SEPTIN2: variants seen among roughly 807,000 people sequenced by gnomAD.
SEPTIN2 encodes the protein septin-2.
SEPTIN2 carries 34 observed loss-of-function variants against 46.5 expected under a neutral mutation model. The ratio of observed to expected loss-of-function variants is 0.73; its 90% CI spans 0.56 to 0.97. The LOEUF is 0.97. SEPTIN2 is among the 50% of genes least tolerant of loss of function. The pLI is 0.00. For synonymous variants in SEPTIN2, 175 were observed against 153.4 expected, an observed-to-expected ratio of 1.14 and a Z score of -1.04; for missense variants, 347 against 448.4, an observed-to-expected ratio of 0.77 and a Z score of 2.04.
intron 3 of SEPTIN2, among the ~76,000 whole-genome samples, chr2:241,329,166 C>A (rs1410553793): frequency 2.0e-5 from 3 of 151,868 alleles, no homozygotes; most frequent in African/African-American, 7.3e-5. Flanking sequence ...CGCTCTGTTG[C>A]CCAGGCTGGA....
rs557188476 is a variant in SEPTIN2, at chr2:241,336,230, G to A, written c.341+132G>A. 1.3e-4 allele frequency: 119 copies of A among 949,272 alleles called. 3 individuals carry two copies. In the South Asian group the frequency reaches 2.1e-3, roughly 16 times the overall value. The allele number at this position is 949,272 out of a possible 1,614,324, so 58.8% of individuals were successfully genotyped here. A position where few individuals can be genotyped will look rare whatever the true frequency, so the allele number is the denominator to read the frequency against. On this transcript the variant is annotated intron_variant, in intron 5 of 12. Transcript: ENST00000391971. Reference sequence around the variant, plus strand: ...ATAAAACACCTAGACAATTTAAAGCGTGTTAAATGTTGACTTTTTAAATAA... The same window carrying A: ...ATAAAACACCTAGACAATTTAAAGCATGTTAAATGTTGACTTTTTAAATAA...
At chr2:241,326,948 C>T (rs1166325047) in intron 3 of SEPTIN2, among the ~76,000 whole-genome samples, 1 of 150,046 alleles carries the variant, frequency 6.7e-6, no homozygotes, top group Non-Finnish European at 1.5e-5. Context: ...GTGGCATGTA[C>T]CTGTAGTTCC....
chr2:241,327,864 G>A (rs2078261699), intron 3 of SEPTIN2, among the ~76,000 whole-genome samples: 1 of 151,224 alleles, frequency 6.6e-6, no homozygotes, highest in Non-Finnish European at 1.5e-5. Context: ...CAGTTCAAGA[G>A]CAACATGGTG....
intron 7 of SEPTIN2, among the ~76,000 whole-genome samples, chr2:241,341,050 A>C (rs1393248466): frequency 6.6e-6 from 1 of 152,028 alleles, no homozygotes; most frequent in Non-Finnish European, 1.5e-5. Flanking sequence ...TGGCAATTCT[A>C]CTTCTGAAAC....
At chr2:241,331,779 GA>G (rs1223449481) in intron 3 of SEPTIN2, among the ~76,000 whole-genome samples, 6 of 152,168 alleles carry the variant, frequency 3.9e-5, no homozygotes, top group African/African-American at 1.4e-4. Context: ...AAACAGTTTA[GA>G]AAAAGAGCAG....
intron 7 of SEPTIN2, among the ~76,000 whole-genome samples, chr2:241,342,756 T>TC (rs992673408): frequency 1.3e-5 from 2 of 152,050 alleles, no homozygotes; most frequent in Non-Finnish European, 2.9e-5. Context: ...CAGGATGGTC[T>TC]CCATCTCCTG....
Position 241,353,469 on chromosome 2 carries a change from T to G in SEPTIN2, c.*1532T>G, listed in dbSNP as rs540097588. ...CTGAGGATGAGACAGGGTTTTTTCA[T>G]TTTTGTGGGGGCTAGAAAAAACATA... is the stretch of plus-strand genomic sequence containing the variant. On this transcript the variant is annotated 3_prime_UTR_variant, in exon 13 of 13. Transcript: ENST00000391971. 6.6e-6 allele frequency: 1 copy of G among 152,314 alleles called. No individual in the cohort carries two copies. The highest frequency in any genetic ancestry group is 2.1e-4 in the South Asian group (1 of 4,822). 9.4% of individuals were successfully genotyped at this position (152,314 alleles called of 1,614,324 possible).
Position 241,317,643 on chromosome 2 carries a change from C to T in SEPTIN2, c.-18+1661C>T, listed in dbSNP as rs540059715. The T allele has an allele frequency of 7.9e-5, 60 of 759,476 alleles. 1 individual carries two copies. In the African/African-American group the frequency reaches 9.1e-4, roughly 12 times the overall value. 47.0% of individuals were successfully genotyped at this position (759,476 alleles called of 1,614,324 possible). A position where few individuals can be genotyped will look rare whatever the true frequency, so the allele number is the denominator to read the frequency against. On this transcript the variant is annotated intron_variant, in intron 1 of 12. Transcript: ENST00000391971. ...TCTGTTCTGTTAGTAGTCATACATGCCACTTATCCCTGCCCCAGTCCCTGT... is the reference window on the plus strand; with the variant it reads ...TCTGTTCTGTTAGTAGTCATACATGTCACTTATCCCTGCCCCAGTCCCTGT...
chr2:241,318,010 T>C (rs996603175), intron 1 of SEPTIN2, among the ~76,000 whole-genome samples: 2 of 152,138 alleles, frequency 1.3e-5, no homozygotes, highest in Non-Finnish European at 2.9e-5. Flanking sequence ...GATCAAGGCT[T>C]TCTCACTGAA....
chr2:241,319,968 A>AT (rs928849260), intron 1 of SEPTIN2, among the ~76,000 whole-genome samples: 20 of 152,058 alleles, frequency 1.3e-4, no homozygotes, highest in South Asian at 4.2e-4. Context: ...TTAATGCATG[A>AT]TTTTTTTTCC....
chr2:241,345,934 C>G (rs2060193665), intron 9 of SEPTIN2, among the ~76,000 whole-genome samples: 1 of 152,212 alleles, frequency 6.6e-6, no homozygotes, highest in African/African-American at 2.4e-5. Context: ...CTGAGAGACT[C>G]AGTCGAGACC....
chr2:241,327,463 G>A (rs1295006075), intron 3 of SEPTIN2, among the ~76,000 whole-genome samples: 1 of 146,452 alleles, frequency 6.8e-6, no homozygotes, highest in Non-Finnish European at 1.5e-5. Flanking sequence ...GGTACATTGT[G>A]AACAGTCTAA....
At chr2:241,318,038 G>T (rs912887002) in intron 1 of SEPTIN2, among the ~76,000 whole-genome samples, 1 of 151,574 alleles carries the variant, frequency 6.6e-6, no homozygotes, top group African/African-American at 2.4e-5. Flanking sequence ...TGCTTCAGAG[G>T]TTCATAATTC....
chr2:241,335,979 A>G lies in SEPTIN2; in HGVS notation c.222A>G (p.Lys74=), dbSNP rs1354148078. Residue 74 remains lysine, a synonymous_variant, in exon 5 of 13, where the codon AAA becomes AAG. Coordinates refer to ENST00000391971, the MANE Select transcript of SEPTIN2 (RefSeq NM_004404.5). ...PERVIPGAAE[K]IERTVQIEAS... Reference sequence around the variant, plus strand: ...TTAAGTTTGTTTCTTTTCTAGAAAAAATTGAAAGAACTGTCCAGATTGAGG... The same window carrying G: ...TTAAGTTTGTTTCTTTTCTAGAAAAGATTGAAAGAACTGTCCAGATTGAGG... The G allele has an allele frequency of 6.2e-7, 1 of 1,614,080 alleles. No homozygotes were observed. The highest frequency in any genetic ancestry group is 8.5e-7 in the Non-Finnish European group (1 of 1,180,012).
At chr2:241,327,969 C>T (rs1206085419) in intron 3 of SEPTIN2, among the ~76,000 whole-genome samples, 2 of 152,030 alleles carry the variant, frequency 1.3e-5, no homozygotes, top group African/African-American at 4.8e-5. Context: ...AGGAGGATCA[C>T]CTCAGCCTGA....
intron 7 of SEPTIN2, among the ~76,000 whole-genome samples, chr2:241,342,534 A>ATTTTTTTTTTTTTT (rs548033372): frequency 1.1e-5 from 1 of 86,986 alleles, no homozygotes. Flanking sequence ...AGTTTTGTAA[A>ATTTTTTTTTTTTTT]TTTTTTTTTT....
intron 1 of SEPTIN2, among the ~76,000 whole-genome samples, chr2:241,322,881 G>T (rs1292036188): frequency 2.6e-5 from 4 of 152,024 alleles, no homozygotes; most frequent in Non-Finnish European, 4.4e-5. Flanking sequence ...AATTCCAGAG[G>T]TCAGGGAAGT....
chr2:241,331,385 C>T (rs1030949325), intron 3 of SEPTIN2, among the ~76,000 whole-genome samples: 1 of 152,118 alleles, frequency 6.6e-6, no homozygotes, highest in East Asian at 1.9e-4. Flanking sequence ...CTATTATGCC[C>T]TTTCTCCCCC....
intron 3 of SEPTIN2, among the ~76,000 whole-genome samples, chr2:241,327,414 GAAA>G (rs201456497): frequency 7.5e-6 from 1 of 134,096 alleles, no homozygotes; most frequent in Non-Finnish European, 1.6e-5. Flanking sequence ...GGAAAAGCTG[GAAA>G]AAAAAAAGAA....
Sources: allele counts gnomAD v4.1 joint callset (sites outside exome capture counted in the v4.1 genomes callset), GRCh38; gene constraint gnomAD v4.1.1; transcripts MANE v1.5; gene names NCBI Gene and HGNC (gene_info 2026-07-23, HGNC 2026-07-21).